The following RPS6KA6 variants were observed in gnomAD, a reference collection of about 807,000 sequenced individuals.
RPS6KA6 encodes ribosomal protein S6 kinase alpha-6.
RPS6KA6 carries 27 observed loss-of-function variants against 65.4 expected under a neutral mutation model. That is an observed-to-expected ratio of 0.41 (90% CI 0.30 to 0.57). RPS6KA6 has a LOEUF of 0.57. Ranked by LOEUF, RPS6KA6 falls within the 20% of genes least tolerant of loss-of-function variation. The pLI is 0.24. For missense variants in RPS6KA6, 486 were observed against 555.6 expected, an observed-to-expected ratio of 0.87 and a Z score of 1.26; for synonymous variants, 190 against 184.2, an observed-to-expected ratio of 1.03 and a Z score of -0.26.
At chrX:84,110,428 G>A (rs191209322) in intron 12 of RPS6KA6, among the ~76,000 whole-genome samples, 498 of 112,013 alleles carry the variant, frequency 4.4e-3, no homozygotes, top group Non-Finnish European at 7.9e-3. Flanking sequence ...AAAGGTCAGG[G>A]AACCTGGCAT....
intron 1 of RPS6KA6, among the ~76,000 whole-genome samples, chrX:84,171,658 C>T (rs753339084): frequency 3.6e-5 from 4 of 111,326 alleles, no homozygotes; most frequent in East Asian, 2.8e-4. Flanking sequence ...GTATAGAGAA[C>T]GTAATTCCTT....
chrX:84,125,143 A>G (rs2034757033), intron 8 of RPS6KA6, among the ~76,000 whole-genome samples: 1 of 112,347 alleles, frequency 8.9e-6, no homozygotes, highest in Non-Finnish European at 1.9e-5. Flanking sequence ...GTCTTATAAG[A>G]AATGCTAAAG....
intron 8 of RPS6KA6, among the ~76,000 whole-genome samples, chrX:84,130,979 T>G (rs1358925751): frequency 8.9e-6 from 1 of 112,129 alleles, no homozygotes; most frequent in African/African-American, 3.2e-5. Flanking sequence ...ACAACAAAAG[T>G]GATTTTTAAA....
intron 20 of RPS6KA6, among the ~76,000 whole-genome samples, chrX:84,091,924 C>T (rs899291859): frequency 1.3e-4 from 15 of 111,324 alleles, no homozygotes; most frequent in African/African-American, 3.3e-5. Flanking sequence ...AGCAAACTAA[C>T]GCAGGGACAG....
chrX:84,167,889 C>T (rs2035622977), intron 1 of RPS6KA6, among the ~76,000 whole-genome samples: 1 of 110,013 alleles, frequency 9.1e-6, no homozygotes, highest in Non-Finnish European at 1.9e-5. Context: ...ATCTCAGAAC[C>T]CTACATGAAA....
At chrX:84,115,725 T>A (rs138446026) in intron 12 of RPS6KA6, among the ~76,000 whole-genome samples, 1 of 111,829 alleles carries the variant, frequency 8.9e-6, no homozygotes, top group Non-Finnish European at 1.9e-5. Context: ...CAATGGTTAA[T>A]TGGATAAAGA....
At chrX:84,174,294 G>C (rs2035730141) in intron 1 of RPS6KA6, among the ~76,000 whole-genome samples, 1 of 111,587 alleles carries the variant, frequency 9.0e-6, no homozygotes, top group Non-Finnish European at 1.9e-5. Context: ...GATTTACTTT[G>C]ATCCTTTCTG....
intron 20 of RPS6KA6, among the ~76,000 whole-genome samples, chrX:84,073,937 T>C (rs1264194640): frequency 9.0e-6 from 1 of 111,358 alleles, no homozygotes; most frequent in East Asian, 2.8e-4. Flanking sequence ...TGTAAACTAG[T>C]ACAGCCACTA....
intron 6 of RPS6KA6, among the ~76,000 whole-genome samples, chrX:84,138,793 C>T (rs1375239776): frequency 1.6e-5 from 1 of 60,997 alleles, no homozygotes; most frequent in Non-Finnish European, 3.1e-5. Flanking sequence ...GTTTGTTTAC[C>T]TGTGTATTTG....
At chrX:84,187,640 G>A (rs970687593) in intron 1 of RPS6KA6, among the ~76,000 whole-genome samples, 179 bp downstream of exon 1, 4 of 112,202 alleles carry the variant, frequency 3.6e-5, no homozygotes, top group African/African-American at 1.3e-4. Context: ...CCGCAAGCCC[G>A]AGCCCGCCGT....
intron 18 of RPS6KA6, among the ~76,000 whole-genome samples, chrX:84,100,663 C>A (rs1602405698): frequency 9.0e-6 from 1 of 110,705 alleles, no homozygotes; most frequent in East Asian, 2.8e-4. Context: ...AATATTCTGT[C>A]CTCCTATAAA....
At chrX:84,174,995 T>G (rs1289158101) in intron 1 of RPS6KA6, among the ~76,000 whole-genome samples, 4 of 112,320 alleles carry the variant, frequency 3.6e-5, no homozygotes, top group Non-Finnish European at 7.5e-5. Flanking sequence ...TTACTAAAAA[T>G]GTTTAAAACC....
chrX:84,153,151 C>A (rs753568997), intron 3 of RPS6KA6, among the ~76,000 whole-genome samples: 1 of 111,950 alleles, frequency 8.9e-6, no homozygotes, highest in South Asian at 3.7e-4. Context: ...TTTTTAAAAA[C>A]TATCACTTGA....
chrX:84,147,197 C>T (rs907750745), intron 4 of RPS6KA6, 139 bp from the exon 5 acceptor site: 3 of 392,871 alleles, frequency 7.6e-6, no homozygotes, highest in Non-Finnish European at 1.3e-5. Flanking sequence ...TTTCATATTC[C>T]TAGATAATGA....
chrX:84,108,687 G>A (rs964038838), intron 12 of RPS6KA6, among the ~76,000 whole-genome samples: 4 of 111,477 alleles, frequency 3.6e-5, no homozygotes, highest in Admixed American at 9.5e-5. Context: ...ACACGGAGCT[G>A]CCTGGAATCT....
At chrX:84,077,117 C>T (rs1282366227) in intron 20 of RPS6KA6, among the ~76,000 whole-genome samples, 2 of 111,438 alleles carry the variant, frequency 1.8e-5, no homozygotes, top group Non-Finnish European at 3.8e-5. Flanking sequence ...GAAAGAGATA[C>T]TGTGTTTATA....
chrX:84,156,004 C>G (rs144558797), intron 3 of RPS6KA6, 71 bp downstream of exon 3: 5,661 of 564,010 alleles, frequency 0.01, 19 homozygotes, highest in Non-Finnish European at 0.013. Context: ...AATCAGATTT[C>G]TACGTATGTG....
intron 20 of RPS6KA6, 47 bp downstream of exon 20, chrX:84,096,147 G>T: frequency 2.5e-6 from 2 of 804,611 alleles, no homozygotes; most frequent in South Asian, 2.1e-5. Flanking sequence ...TTAGGGATTT[G>T]AGCAATTTAA....
chrX:84,151,761 A>G (rs1481026790), intron 3 of RPS6KA6, among the ~76,000 whole-genome samples: 2 of 112,086 alleles, frequency 1.8e-5, no homozygotes, highest in Admixed American at 9.5e-5. Context: ...ATAATTGTTA[A>G]TGTCTCATCA....
Sources: gnomAD v4.1 joint callset for allele counts (sites outside exome capture counted in the v4.1 genomes callset) on GRCh38, gnomAD v4.1.1 for gene constraint, MANE v1.5 for transcripts, NCBI Gene and HGNC (gene_info 2026-07-23, HGNC 2026-07-21) for gene names.